AP4M1: variants seen among roughly 807,000 people sequenced by gnomAD.
AP4M1 encodes the protein AP-4 complex subunit mu-1.
Under a neutral mutation model 62.4 loss-of-function variants are expected in AP4M1, and 58 were observed. That is an observed-to-expected ratio of 0.93 (90% CI 0.75 to 1.16). The LOEUF (loss-of-function observed/expected upper bound fraction) is 1.16, where lower values mean the gene tolerates loss of function less well. Among genes scored for constraint, AP4M1 ranks in the 50% most tolerant of loss-of-function variants. The pLI is 0.00. For synonymous variants in AP4M1, 290 were observed against 239.7 expected, an observed-to-expected ratio of 1.21 and a Z score of -1.94; for missense variants, 626 against 585.4, an observed-to-expected ratio of 1.07 and a Z score of -0.72.
Position 100,102,527 on chromosome 7 carries a change from G to C in AP4M1, c.148-148G>C, listed in dbSNP as rs572549860. 1,260 of 719,178 alleles carry C rather than the reference G, an allele frequency of 1.8e-3. 22 individuals carry two copies. In the South Asian group the frequency reaches 0.019, roughly 11 times the overall value. The allele number at this position is 719,178 out of a possible 1,614,324, so 44.5% of individuals were successfully genotyped here. A position where few individuals can be genotyped will look rare whatever the true frequency, so the allele number is the denominator to read the frequency against. ...ATTAACCCCCTTTCCACATTGGGAA[G>C]CTGGGCCCAGGCATATGTCATGTAT... On this transcript the variant is annotated intron_variant, in intron 2 of 14. Coordinates refer to ENST00000359593, the MANE Select transcript of AP4M1 (RefSeq NM_004722.4).
At position 100,107,314 on chromosome 7, in the gene AP4M1, G is replaced by A. The variant is rs1158538414; in HGVS notation, c.*432G>A. The A allele has an allele frequency of 7.2e-6, 11 of 1,534,552 alleles. No individual in the cohort carries two copies. The highest frequency in any genetic ancestry group is 1.3e-5 in the South Asian group (1 of 77,964). On this transcript the variant is annotated 3_prime_UTR_variant, in exon 15 of 15. Coordinates refer to ENST00000359593, the MANE Select transcript of AP4M1 (RefSeq NM_004722.4). ...TTGGCTTTTGGAGTCCCTGGAGCTG[G>A]AGGGGGACTGTCCCCAGCCTCCTGC... is the stretch of plus-strand genomic sequence containing the variant.
Position 100,103,672 on chromosome 7 carries a change from C to G in AP4M1, c.523C>G (p.Leu175Val). ...APSSAASRPV[L>V]SSRSDQSQKN... Reference sequence around the variant, plus strand: ...CAGCAGTGCAGCCAGCCGCCCCGTCCTGTCCAGTCGCTCTGACCAGGTGAG... The same window carrying G: ...CAGCAGTGCAGCCAGCCGCCCCGTCGTGTCCAGTCGCTCTGACCAGGTGAG... The change falls in exon 6 of 15, where the codon CTG (leucine) becomes GTG (valine). Residue 175 changes from leucine to valine, a missense_variant. Physicochemically the swap from Leu to Val is conservative, Grantham distance 32. Transcript: ENST00000359593. The G allele has an allele frequency of 4.3e-6, 7 of 1,612,902 alleles. No homozygotes were observed. Among genetic ancestry groups the G allele is most frequent in the Non-Finnish European group, 5.9e-6 (7 of 1,179,994 alleles).
In AP4M1 at chr7:100,106,930, G is replaced by A. The variant is rs370889221; in HGVS notation, c.*48G>A. ...CGGCCAAGGTGGCAGTTTGTCCCAC[G>A]GGAGGACAGTCGTTTCTTTTCCAGC... On this transcript the variant is annotated 3_prime_UTR_variant, in exon 15 of 15. Coordinates refer to ENST00000359593, the MANE Select transcript of AP4M1 (RefSeq NM_004722.4). The A allele has an allele frequency of 4.4e-5, 69 of 1,574,054 alleles. No individual in the cohort carries two copies. Among genetic ancestry groups the A allele is most frequent in the Non-Finnish European group, 5.2e-5 (60 of 1,160,132 alleles).
Position 100,102,790 on chromosome 7 carries a change from G to A in AP4M1, c.254+9G>A. The A allele has an allele frequency of 6.2e-7, 1 of 1,613,386 alleles. No homozygotes were observed. The highest frequency in any genetic ancestry group is 8.5e-7 in the Non-Finnish European group (1 of 1,179,334). ...CTAGAACTGCTCTCCAGGTGAGGAG[G>A]GTTGGGCTGGGCACCTGGTAGCTAG... On this transcript the variant is annotated intron_variant, in intron 3 of 14. Transcript: ENST00000359593.
intron 6 of AP4M1, 35 bp downstream of exon 6, chr7:100,103,727 T>C (rs1796243710): frequency 6.2e-7 from 1 of 1,603,672 alleles, no homozygotes; most frequent in African/African-American, 1.3e-5. Context: ...GACGCTCTGG[T>C]TTTGCTCTGG....
intron 6 of AP4M1, 98 bp downstream of exon 6, chr7:100,103,790 C>T: frequency 2.9e-6 from 4 of 1,377,326 alleles, no homozygotes; most frequent in African/African-American, 1.4e-5. Flanking sequence ...GCCTGTAGTC[C>T]CAGCACTTTG....
upstream of AP4M1, chr7:100,101,404 A>G (rs749519128): frequency 2.6e-5 from 39 of 1,473,110 alleles, no homozygotes; most frequent in Non-Finnish European, 3.4e-5. Flanking sequence ...AATTGGCGCG[A>G]AACGTCGCCC....
At chr7:100,103,907 GAAAA>G (rs1490493055) in intron 6 of AP4M1, among the ~76,000 whole-genome samples, 181 bp from the exon 7 acceptor site, 4 of 95,444 alleles carry the variant, frequency 4.2e-5, no homozygotes, top group Non-Finnish European at 9.0e-5. Flanking sequence ...AAAAAAAAAA[GAAAA>G]AGATCTTGGC....
chr7:100,102,989 C>G (rs1236623345), intron 4 of AP4M1, 29 bp downstream of exon 4: 1 of 1,592,144 alleles, frequency 6.3e-7, no homozygotes, highest in Non-Finnish European at 8.6e-7. Flanking sequence ...CTTCTGTGGC[C>G]CCTACCCAAT....
In AP4M1 at chr7:100,107,368, G is replaced by C. The variant is rs200565542; in HGVS notation, c.*486G>C. On this transcript the variant is annotated 3_prime_UTR_variant, in exon 15 of 15. Coordinates refer to ENST00000359593, the MANE Select transcript of AP4M1 (RefSeq NM_004722.4). ...CCCCCACAAAGGGCACTGCCGCTGAGTGGGGACGGGGACGATGCCGGGGGA... is the reference window on the plus strand; with the variant it reads ...CCCCCACAAAGGGCACTGCCGCTGACTGGGGACGGGGACGATGCCGGGGGA... 3.0e-5 allele frequency: 48 copies of C among 1,580,064 alleles called. No homozygotes were observed. Among genetic ancestry groups the C allele is most frequent in the Non-Finnish European group, 4.1e-5 (48 of 1,160,074 alleles).
upstream of AP4M1, chr7:100,101,461 C>T: frequency 1.1e-6 from 1 of 892,606 alleles, no homozygotes; most frequent in Non-Finnish European, 1.7e-6. Context: ...GACAAGGCGG[C>T]CTTCTTCACC....
At chr7:100,103,024 C>T (rs758991150) in intron 4 of AP4M1, 64 bp downstream of exon 4, 2 of 1,140,170 alleles carry the variant, frequency 1.8e-6, no homozygotes, top group Non-Finnish European at 2.6e-6. Flanking sequence ...ATCTGCTCTT[C>T]TACTGTGGGA....
chr7:100,102,405 T>TG (rs1441712978), intron 2 of AP4M1: 3 of 427,626 alleles, frequency 7.0e-6, no homozygotes, highest in East Asian at 4.0e-5. Flanking sequence ...TAGGTGGGGG[T>TG]GGGGAAAAAA....
At chr7:100,101,065 C>T (rs1473133404), upstream of AP4M1, 6 of 739,986 alleles carry the variant, frequency 8.1e-6, no homozygotes, top group African/African-American at 5.3e-5. Context: ...GGATTACTAG[C>T]TTTTCTTCAA....
rs767561073 is a variant in AP4M1, at chr7:100,102,997, A to G, written c.351+37A>G. 8.3e-6 allele frequency: 13 copies of G among 1,566,148 alleles called. 1 individual carries two copies. The South Asian group carries it at 1.4e-4, about 17-fold the overall frequency. ...CAATCCCCTTCTGTGGCCCCTACCC[A>G]ATTCCCCTGAAGATACATCTGCTCT... On this transcript the variant is annotated intron_variant, in intron 4 of 14. Coordinates refer to ENST00000359593, the MANE Select transcript of AP4M1 (RefSeq NM_004722.4).
intron 2 of AP4M1, 113 bp downstream of exon 2, chr7:100,102,081 C>A: frequency 5.7e-6 from 7 of 1,237,744 alleles, no homozygotes; most frequent in South Asian, 2.6e-5. Context: ...TGCATTCCGC[C>A]AAATAAAGCT....
upstream of AP4M1, chr7:100,101,253 T>C (rs758353965): frequency 5.6e-6 from 9 of 1,612,990 alleles, no homozygotes; most frequent in East Asian, 1.8e-4. Flanking sequence ...CCCGGGCTCG[T>C]AGACCCGTAC....
chr7:100,105,282 G>A lies in AP4M1; in HGVS notation c.770G>A (p.Ser257Asn). The change falls in exon 10 of 15, where the codon AGC (serine) becomes AAC (asparagine). Residue 257 changes from serine (S) to asparagine (N), a missense_variant. Physicochemically the swap from Ser to Asn is conservative, Grantham distance 46 (BLOSUM62 1). Coordinates refer to ENST00000359593, the MANE Select transcript of AP4M1 (RefSeq NM_004722.4). ...GIRVDEVSFH[S>N]SVNLDEFESH... ...CGGGTCGATGAAGTCTCGTTTCACAGCTCTGTGAATCTGGACGAATTTGAG... is the reference window on the plus strand; with the variant it reads ...CGGGTCGATGAAGTCTCGTTTCACAACTCTGTGAATCTGGACGAATTTGAG... The A allele has an allele frequency of 4.3e-6, 7 of 1,614,130 alleles. No individual in the cohort carries two copies. Among genetic ancestry groups the A allele is most frequent in the Non-Finnish European group, 5.9e-6 (7 of 1,180,042 alleles).
chr7:100,105,910 A>G, intron 11 of AP4M1, 49 bp from the exon 12 acceptor site: 1 of 1,607,614 alleles, frequency 6.2e-7, no homozygotes, highest in Non-Finnish European at 8.5e-7. Flanking sequence ...GAATGGTGAG[A>G]TGCCAGTAGA....
Sources: allele counts gnomAD v4.1 joint callset (sites outside exome capture counted in the v4.1 genomes callset), GRCh38; gene constraint gnomAD v4.1.1; transcripts MANE v1.5; gene names NCBI Gene and HGNC (gene_info 2026-07-23, HGNC 2026-07-21).